The following LOXHD1 variants were observed in gnomAD, a reference collection of about 807,000 sequenced individuals.
LOXHD1 encodes the protein lipoxygenase homology domain-containing protein 1.
A neutral mutation model predicts 248.2 loss-of-function variants in LOXHD1; 205 were observed. That is an observed-to-expected ratio of 0.83 (90% CI 0.74 to 0.93). The LOEUF (loss-of-function observed/expected upper bound fraction) is 0.93. LOXHD1 is among the 40% of genes least tolerant of loss of function. The pLI is 0.00. For synonymous variants in LOXHD1, 1,113 were observed against 1,162.8 expected, an observed-to-expected ratio of 0.96 and a Z score of 0.87; for missense variants, 2,930 against 2,971.6, an observed-to-expected ratio of 0.99 and a Z score of 0.33.
intron 25 of LOXHD1, among the ~76,000 whole-genome samples, chr18:46,540,286 C>T (rs569840160): frequency 2.0e-5 from 3 of 152,270 alleles, no homozygotes; most frequent in Middle Eastern, 3.4e-3. Context: ...AGTACTGCTG[C>T]TTAGCCACAG....
At chr18:46,572,851 G>A (rs1372395295) in intron 14 of LOXHD1, among the ~76,000 whole-genome samples, 6 of 151,742 alleles carry the variant, frequency 4.0e-5, no homozygotes, top group South Asian at 4.2e-4. Flanking sequence ...GTGAAACCCC[G>A]TCTCTACTGA....
intron 23 of LOXHD1, among the ~76,000 whole-genome samples, chr18:46,543,087 A>G (rs1394392314): frequency 6.6e-6 from 1 of 152,148 alleles, no homozygotes; most frequent in Non-Finnish European, 1.5e-5. Flanking sequence ...GTGAGTTAGT[A>G]GTGAATTCTG....
At chr18:46,552,638 C>G (rs1377735220) in intron 21 of LOXHD1, among the ~76,000 whole-genome samples, 1 of 152,160 alleles carries the variant, frequency 6.6e-6, no homozygotes, top group Non-Finnish European at 1.5e-5. Flanking sequence ...AGCTTTATAT[C>G]TTCTCCCAAT....
chr18:46,529,103 C>A, intron 29 of LOXHD1, 74 bp downstream of exon 29: 2 of 1,528,666 alleles, frequency 1.3e-6, no homozygotes, highest in South Asian at 1.2e-5. Flanking sequence ...CCCCAGGAAC[C>A]AAGAAGAGCT....
rs1259150436 is a variant in LOXHD1, at chr18:46,593,682, T to C, written c.1349A>G (p.Tyr450Cys). The C allele has an allele frequency of 6.4e-7, 1 of 1,552,202 alleles. No homozygotes were observed. The highest frequency in any genetic ancestry group is 8.7e-7 in the Non-Finnish European group (1 of 1,147,126). The stretch of plus-strand genomic sequence containing the variant: ...CTCATCTGTCCGCCCCTTCTGCCCA[T>C]AAATCTGGATGAAGATGGGAGAGTT... ...GTNSPIFIQIYGQKGRTDEIL... is the reference protein window; with the variant it reads ...GTNSPIFIQICGQKGRTDEIL... The change falls in exon 10 of 41, where the codon TAT (tyrosine) becomes TGT (cysteine). Residue 450 changes from tyrosine (Y) to cysteine (C), a missense_variant. Physicochemically the swap from Tyr to Cys is radical, Grantham distance 194 (BLOSUM62 -2). Transcript: ENST00000642948.
intron 31 of LOXHD1, among the ~76,000 whole-genome samples, chr18:46,522,597 A>G (rs775676578): frequency 6.6e-6 from 1 of 152,192 alleles, no homozygotes; most frequent in Non-Finnish European, 1.5e-5. Context: ...TCCTACTTGA[A>G]CCTAGCACTA....
chr18:46,539,390 G>A (rs1210417184), intron 25 of LOXHD1, among the ~76,000 whole-genome samples: 3 of 152,146 alleles, frequency 2.0e-5, no homozygotes, highest in African/African-American at 7.2e-5. Context: ...GAACCTGGGA[G>A]GTGGAGGTTG....
At chr18:46,486,712 T>A (rs1362895216) in intron 38 of LOXHD1, among the ~76,000 whole-genome samples, 1 of 152,138 alleles carries the variant, frequency 6.6e-6, no homozygotes, top group Admixed American at 6.5e-5. Context: ...CACGGAGCAC[T>A]GGGAACCTGC....
chr18:46,583,254 G>T (rs1242160236), intron 12 of LOXHD1, among the ~76,000 whole-genome samples: 9 of 152,048 alleles, frequency 5.9e-5, no homozygotes, highest in Non-Finnish European at 1.3e-4. Context: ...ACAACTTTAG[G>T]CTGGGCAAGA....
chr18:46,509,324 T>C (rs975976411), intron 35 of LOXHD1, among the ~76,000 whole-genome samples: 3 of 152,078 alleles, frequency 2.0e-5, no homozygotes, highest in Non-Finnish European at 4.4e-5. Flanking sequence ...CTTTCTGCCA[T>C]CCTGCCTGAA....
chr18:46,538,263 T>C lies in LOXHD1; in HGVS notation c.3988A>G (p.Ile1330Val), dbSNP rs1382303020. Residue 1330 changes from isoleucine (I) to valine (V), a missense_variant, in exon 26 of 41, where the codon ATC (isoleucine) becomes GTC (valine). Transcript: ENST00000642948. ...AGTDANIFII[I>V]YGCDAVCTQQ... ...GTGCACACGGCATCGCAGCCATAGA[T>C]GATGATGAAGATGTTGGCATCTGTC... 1 of 1,551,420 alleles carries C rather than the reference T, an allele frequency of 6.4e-7. No homozygotes were observed. The highest frequency in any genetic ancestry group is 8.7e-7 in the Non-Finnish European group (1 of 1,146,782).
rs186813024 is a variant in LOXHD1, at chr18:46,545,031, T to C, written c.3619+286A>G. The C allele has an allele frequency of 1.3e-5, 6 of 472,316 alleles. No individual in the cohort carries two copies. In the Admixed American group the frequency reaches 1.8e-4, roughly 14 times the overall value. The allele number at this position is 472,316 out of a possible 1,614,324, so 29.3% of individuals were successfully genotyped here. On this transcript the variant is annotated intron_variant, in intron 23 of 40. Transcript: ENST00000642948. ...TGCCTGGAGTGCCTCATACTGAGAG[T>C]ATCATGGCTGAATTTCATTGAAAGT...
At position 46,588,688 on chromosome 18, in the gene LOXHD1, C is replaced by A. The variant is rs139076422; in HGVS notation, c.1654+3245G>T. On this transcript the variant is annotated intron_variant, in intron 12 of 40. Coordinates refer to ENST00000642948, the MANE Select transcript of LOXHD1 (RefSeq NM_001384474.1). Reference sequence around the variant, plus strand: ...CACAGCATTCACACTTCAAGACCTGCCAGTTCCACCTTCAAAATATTTCTT... The same window carrying A: ...CACAGCATTCACACTTCAAGACCTGACAGTTCCACCTTCAAAATATTTCTT... 5.2e-3 allele frequency among the ~76,000 whole-genome samples: 791 copies of A among 152,320 alleles called. 7 individuals are homozygous for A. The highest frequency in any genetic ancestry group is 0.018 in the African/African-American group (749 of 41,560).
At chr18:46,648,697 GGCTA>G (rs1398920919) in intron 2 of LOXHD1, among the ~76,000 whole-genome samples, 5 of 152,154 alleles carry the variant, frequency 3.3e-5, no homozygotes, top group Non-Finnish European at 5.9e-5. Context: ...CAATCCCTGC[GGCTA>G]GCTGAGTGTG....
chr18:46,519,719 T>C (rs1051448211), intron 33 of LOXHD1, among the ~76,000 whole-genome samples: 1 of 152,158 alleles, frequency 6.6e-6, no homozygotes, highest in African/African-American at 2.4e-5. Context: ...TGAGAGCTGG[T>C]CCGTCCGACT....
intron 34 of LOXHD1, among the ~76,000 whole-genome samples, chr18:46,511,473 C>T (rs984255666): frequency 2.0e-5 from 3 of 152,186 alleles, no homozygotes; most frequent in Admixed American, 6.5e-5. Context: ...CCTTTGGCTG[C>T]CCCTCACGTC....
intron 4 of LOXHD1, among the ~76,000 whole-genome samples, chr18:46,629,698 G>A (rs1412141441): frequency 6.6e-6 from 1 of 151,226 alleles, no homozygotes; most frequent in Non-Finnish European, 1.5e-5. Context: ...AATGGAAACA[G>A]TGATTATGCT....
chr18:46,577,856 G>T lies in LOXHD1; in HGVS notation c.1821C>A (p.Phe607Leu). 6.4e-7 allele frequency: 1 copy of T among 1,551,626 alleles called. No homozygotes were observed. Among genetic ancestry groups the T allele is most frequent in the Non-Finnish European group, 8.7e-7 (1 of 1,146,978 alleles). ...DLFEKGNADE[F>L]TIESVTMRNV... Reference sequence around the variant, plus strand: ...TCCGCATGGTGACAGACTCGATAGTGAACTCGTCAGCCTTGTGGGGGGAAA... The same window carrying T: ...TCCGCATGGTGACAGACTCGATAGTTAACTCGTCAGCCTTGTGGGGGGAAA... The change falls in exon 14 of 41, where the codon TTC (phenylalanine) becomes TTA (leucine). Residue 607 changes from phenylalanine (F) to leucine (L), a missense_variant. Transcript: ENST00000642948.
chr18:46,631,621 C>T (rs2038824181), intron 4 of LOXHD1, among the ~76,000 whole-genome samples: 1 of 152,156 alleles, frequency 6.6e-6, no homozygotes, highest in South Asian at 2.1e-4. Context: ...GGGCGAGGGG[C>T]CTTGACATTT....
Sources: gnomAD v4.1 joint callset for allele counts (sites outside exome capture counted in the v4.1 genomes callset) on GRCh38, gnomAD v4.1.1 for gene constraint, MANE v1.5 for transcripts, NCBI Gene and HGNC (gene_info 2026-07-23, HGNC 2026-07-21) for gene names.